The following SGCG variants were observed in gnomAD, a reference collection of about 807,000 sequenced individuals.
The protein encoded by SGCG is sarcoglycan gamma.
SGCG carries 26 observed loss-of-function variants against 29.3 expected under a neutral mutation model. That is an observed-to-expected ratio of 0.89 (90% CI 0.65 to 1.23). The LOEUF is 1.23. Ranked by LOEUF, SGCG falls within the 50% of genes most tolerant of loss-of-function variation. SGCG has a pLI of 0.00. For missense variants in SGCG, 353 were observed against 356.0 expected (o/e 0.99, Z 0.07); for synonymous variants, 145 against 129.7 (o/e 1.12, Z -0.80).
In SGCG at chr13:23,261,013, C is replaced by T. The variant is rs549547243; in HGVS notation, c.385+10296C>T. 2.6e-5 allele frequency among the ~76,000 whole-genome samples: 4 copies of T among 152,110 alleles called. No individual in the cohort carries two copies. In the South Asian group the frequency reaches 8.3e-4, roughly 32 times the overall value. ...CTTGGTGAATCTGACAATTATGTGT[C>T]TTGGGATTGCTCTTCTCAAGGAGTA... On this transcript the variant is annotated intron_variant, in intron 4 of 7. Transcript: ENST00000218867.
intron 6 of SGCG, among the ~76,000 whole-genome samples, chr13:23,306,936 G>A (rs535003245): frequency 7.2e-5 from 11 of 152,156 alleles, no homozygotes; most frequent in African/African-American, 2.7e-4. Flanking sequence ...GTTAAATCCA[G>A]AATGTGAAAT....
intron 4 of SGCG, among the ~76,000 whole-genome samples, chr13:23,261,320 G>A (rs1033829503): frequency 2.6e-5 from 4 of 151,744 alleles, no homozygotes; most frequent in Non-Finnish European, 5.9e-5. Flanking sequence ...AAACCAGTCA[G>A]AACTTTTGGA....
In SGCG at chr13:23,251,515, G is replaced by A. The variant is rs147525004; in HGVS notation, c.385+798G>A. Among the ~76,000 whole-genome samples the A allele has an allele frequency of 1.1e-3, 166 of 152,298 alleles. 1 individual carries two copies. Among genetic ancestry groups the A allele is most frequent in the African/African-American group, 3.9e-3 (162 of 41,576 alleles). ...GAAGGAATGCAGGCCAGGCATGGTG[G>A]CTCACCCCTGTAATCCCAGCACTTT... is the stretch of plus-strand genomic sequence containing the variant. On this transcript the variant is annotated intron_variant, in intron 4 of 7. Transcript: ENST00000218867.
At chr13:23,219,698 ATAC>A (rs1454559629) in intron 2 of SGCG, among the ~76,000 whole-genome samples, 1 of 151,960 alleles carries the variant, frequency 6.6e-6, no homozygotes. Context: ...TTTATAATGT[ATAC>A]ATGATGTATC....
intron 6 of SGCG, among the ~76,000 whole-genome samples, chr13:23,299,906 A>G (rs1882087119): frequency 6.6e-6 from 1 of 152,192 alleles, no homozygotes; most frequent in Non-Finnish European, 1.5e-5. Flanking sequence ...CCAGATATAA[A>G]AGGCATGGTC....
At chr13:23,269,763 A>G (rs1015976032) in intron 4 of SGCG, among the ~76,000 whole-genome samples, 25 of 151,072 alleles carry the variant, frequency 1.7e-4, no homozygotes, top group Non-Finnish European at 3.1e-4. Context: ...CTATTCACCC[A>G]TATATATGAA....
At chr13:23,282,191 A>G (rs753207698) in intron 5 of SGCG, among the ~76,000 whole-genome samples, 8 of 152,166 alleles carry the variant, frequency 5.3e-5, no homozygotes, top group Non-Finnish European at 1.0e-4. Flanking sequence ...CAGTATGTTA[A>G]TGGCTTCCTT....
intron 6 of SGCG, among the ~76,000 whole-genome samples, chr13:23,310,487 A>G (rs1882553182): frequency 6.6e-6 from 1 of 152,122 alleles, no homozygotes; most frequent in Non-Finnish European, 1.5e-5. Flanking sequence ...GCACTGATTT[A>G]CATTTTCCAA....
intron 2 of SGCG, among the ~76,000 whole-genome samples, chr13:23,234,081 T>C (rs1354939216): frequency 6.6e-6 from 1 of 152,334 alleles, no homozygotes; most frequent in East Asian, 1.9e-4. Flanking sequence ...TGTAAACTCC[T>C]TGAGAGCAGG....
chr13:23,215,316 G>GT (rs1200286467), intron 2 of SGCG, among the ~76,000 whole-genome samples: 4 of 152,014 alleles, frequency 2.6e-5, no homozygotes, highest in African/African-American at 9.7e-5. Flanking sequence ...TGGTAACATA[G>GT]TTTTTTTCTC....
chr13:23,289,073 G>A (rs1244980196), intron 5 of SGCG, among the ~76,000 whole-genome samples: 1 of 152,204 alleles, frequency 6.6e-6, no homozygotes, highest in Admixed American at 6.5e-5. Flanking sequence ...AGCAACTGAA[G>A]AAGTGAAAAT....
Position 23,324,534 on chromosome 13 carries a change from G to A in SGCG, c.869G>A (p.Cys290Tyr). The change falls in exon 8 of 8, where the codon TGC becomes TAC. Residue 290 changes from cysteine (C) to tyrosine (Y), a missense_variant. Transcript: ENST00000218867. The part of the protein sequence containing the change: ...STTCQEHNHI[C>Y]L ...ACGTGCCAGGAGCACAACCACATCTGCCTCTGAGCTGCCTGCGTCCTCTCG... is the reference window on the plus strand; with the variant it reads ...ACGTGCCAGGAGCACAACCACATCTACCTCTGAGCTGCCTGCGTCCTCTCG... The A allele has an allele frequency of 6.2e-7, 1 of 1,610,914 alleles. No homozygotes were observed. The highest frequency in any genetic ancestry group is 8.5e-7 in the Non-Finnish European group (1 of 1,179,914).
intron 2 of SGCG, among the ~76,000 whole-genome samples, chr13:23,218,256 A>C (rs1233513467): frequency 1.3e-5 from 2 of 152,204 alleles, no homozygotes; most frequent in Non-Finnish European, 2.9e-5. Flanking sequence ...TTTTGGTCTC[A>C]ACTAGCTAGA....
intron 4 of SGCG, chr13:23,269,125 T>G (rs1008273751): frequency 6.6e-6 from 1 of 152,162 alleles, no homozygotes; most frequent in African/African-American, 2.4e-5. Flanking sequence ...TGAGATGTAC[T>G]TTTGGAAAAA....
At chr13:23,166,405 A>G in the SGCG span, among the ~76,000 whole-genome samples, 1 of 152,112 alleles carries the variant, frequency 6.6e-6, no homozygotes, top group African/African-American at 2.4e-5. Flanking sequence ...CATGTTGGCC[A>G]GGATGGTCTC....
At chr13:23,211,487 C>G (rs182461867) in intron 2 of SGCG, among the ~76,000 whole-genome samples, 2 of 151,970 alleles carry the variant, frequency 1.3e-5, no homozygotes, top group South Asian at 2.1e-4. Flanking sequence ...CTTGACCCCC[C>G]CTTTCACCAT....
chr13:23,282,599 T>C (rs889939250), intron 5 of SGCG, among the ~76,000 whole-genome samples: 1 of 152,238 alleles, frequency 6.6e-6, no homozygotes, highest in Non-Finnish European at 1.5e-5. Context: ...TTTCTATTAC[T>C]GTGCTAGTTT....
At chr13:23,206,359 C>T (rs1017390858) in intron 2 of SGCG, among the ~76,000 whole-genome samples, 1 of 152,176 alleles carries the variant, frequency 6.6e-6, no homozygotes, top group Non-Finnish European at 1.5e-5. Context: ...CCATTCCACT[C>T]TTTGTTCAAT....
intron 2 of SGCG, among the ~76,000 whole-genome samples, chr13:23,219,388 C>G (rs981691939): frequency 2.0e-5 from 3 of 152,108 alleles, no homozygotes; most frequent in African/African-American, 4.8e-5. Context: ...GATTTGGGAT[C>G]ATTTCTAGAA....
Sources: gnomAD v4.1 joint callset for allele counts (sites outside exome capture counted in the v4.1 genomes callset) on GRCh38, gnomAD v4.1.1 for gene constraint, MANE v1.5 for transcripts, NCBI Gene and HGNC (gene_info 2026-07-23, HGNC 2026-07-21) for gene names.